ELF1: variants seen among roughly 807,000 people sequenced by gnomAD.
ELF1 encodes the protein E74 like ETS transcription factor 1.
ELF1 carries 24 observed loss-of-function variants against 59.9 expected under a neutral mutation model. The observed-to-expected ratio is 0.40, with a 90% CI of 0.29 to 0.56. ELF1 has a LOEUF of 0.56. Among genes scored for constraint, ELF1 ranks in the 20% least tolerant of loss-of-function variants. The probability of loss-of-function intolerance (pLI) is 0.44; values close to 1 mark genes in which losing one functional copy is unlikely to be tolerated. For synonymous variants in ELF1, 248 were observed against 266.2 expected (o/e 0.93, Z 0.67); for missense variants, 627 against 742.2 (o/e 0.84, Z 1.80).
In ELF1 at chr13:40,948,889, A is replaced by G. The variant is rs531765478; in HGVS notation, c.529+917T>C. On this transcript the variant is annotated intron_variant, in intron 5 of 8. Coordinates refer to ENST00000239882, the MANE Select transcript of ELF1 (RefSeq NM_172373.4). ...AGCTGACTAGACCTTACCCAAGGAC[A>G]AAAGGGTTTAGATAAAAATTTGAGG... 1.1e-4 allele frequency among the ~76,000 whole-genome samples: 17 copies of G among 152,358 alleles called. No individual in the cohort carries two copies. The South Asian group carries it at 3.5e-3, about 32-fold the overall frequency.
intron 8 of ELF1, among the ~76,000 whole-genome samples, chr13:40,936,063 C>A (rs563536232): frequency 1.5e-4 from 23 of 152,244 alleles, no homozygotes; most frequent in African/African-American, 5.5e-4. Context: ...ATATGCATAA[C>A]CTTATAATAT....
intron 3 of ELF1, among the ~76,000 whole-genome samples, chr13:40,956,134 G>T (rs1419242863): frequency 1.3e-5 from 2 of 150,330 alleles, no homozygotes; most frequent in African/African-American, 4.9e-5. Context: ...ATAGAAAGGG[G>T]GGAAAGGTGG....
At chr13:40,965,483 T>G (rs1189594646) in intron 2 of ELF1, among the ~76,000 whole-genome samples, 2 of 151,976 alleles carry the variant, frequency 1.3e-5, no homozygotes, top group African/African-American at 2.4e-5. Flanking sequence ...ATTAGCTGGG[T>G]GTGGTGGTGT....
chr13:41,028,547 C>T (rs1876036592), intron 1 of ELF1, among the ~76,000 whole-genome samples: 1 of 152,192 alleles, frequency 6.6e-6, no homozygotes. Context: ...GCTATAACCA[C>T]CTGACCAGTT....
intron 1 of ELF1, among the ~76,000 whole-genome samples, chr13:40,994,937 T>C (rs939231446): frequency 1.3e-5 from 2 of 152,192 alleles, no homozygotes; most frequent in African/African-American, 2.4e-5. Context: ...AACTGTTTCA[T>C]GCTGGCACTG....
intron 2 of ELF1, among the ~76,000 whole-genome samples, chr13:40,973,447 C>A (rs1047650994): frequency 6.6e-6 from 1 of 151,928 alleles, no homozygotes. Context: ...TGAAAATGAC[C>A]CTCTTTTTTA....
intron 3 of ELF1, among the ~76,000 whole-genome samples, chr13:40,952,017 TAA>T (rs1027290451): frequency 2.0e-5 from 3 of 152,224 alleles, no homozygotes; most frequent in Non-Finnish European, 2.9e-5. Context: ...TAAATCAAAT[TAA>T]GTCTGCATAT....
chr13:40,972,221 G>A (rs894764146), intron 2 of ELF1, among the ~76,000 whole-genome samples: 1 of 152,150 alleles, frequency 6.6e-6, no homozygotes, highest in African/African-American at 2.4e-5. Context: ...CTACAATAGA[G>A]TCTCTCCCAG....
At chr13:41,042,826 T>C (rs1473055181) in intron 1 of ELF1, among the ~76,000 whole-genome samples, 1 of 152,194 alleles carries the variant, frequency 6.6e-6, no homozygotes, top group Non-Finnish European at 1.5e-5. Context: ...ATATACCCTG[T>C]AATGGGATGG....
At chr13:41,043,594 T>G (rs578128369) in intron 1 of ELF1, among the ~76,000 whole-genome samples, 4 of 152,242 alleles carry the variant, frequency 2.6e-5, no homozygotes, top group East Asian at 3.9e-4. Context: ...TGTCAGGTTT[T>G]TCAAAGATCA....
chr13:41,017,160 T>C (rs1387713762), intron 1 of ELF1, among the ~76,000 whole-genome samples: 2 of 151,596 alleles, frequency 1.3e-5, no homozygotes, highest in East Asian at 3.9e-4. Context: ...ATCTTTCTGA[T>C]GAAAAAGAAA....
chr13:40,977,158 G>A (rs139817329), intron 2 of ELF1, among the ~76,000 whole-genome samples: 73 of 151,808 alleles, frequency 4.8e-4, no homozygotes, highest in African/African-American at 1.6e-3. Flanking sequence ...ATTAACTCCT[G>A]GAACATTTAA....
chr13:40,967,332 C>G (rs1282894371), intron 2 of ELF1, among the ~76,000 whole-genome samples: 1 of 152,206 alleles, frequency 6.6e-6, no homozygotes, highest in Non-Finnish European at 1.5e-5. Context: ...TAGGACTCCA[C>G]CATGGCCTGG....
At chr13:41,033,329 C>A (rs1247014423) in intron 1 of ELF1, among the ~76,000 whole-genome samples, 1 of 152,128 alleles carries the variant, frequency 6.6e-6, no homozygotes, top group Non-Finnish European at 1.5e-5. Context: ...AGTTATAATC[C>A]TTATTTCACA....
At chr13:40,940,828 A>T in intron 8 of ELF1, 93 bp downstream of exon 8, 1 of 1,368,098 alleles carries the variant, frequency 7.3e-7, no homozygotes. Context: ...TTATACTTTT[A>T]TTTTCATTTC....
chr13:40,950,170 T>G (rs1463168687), intron 4 of ELF1, among the ~76,000 whole-genome samples, 197 bp from the exon 5 acceptor site: 1 of 152,220 alleles, frequency 6.6e-6, no homozygotes, highest in Non-Finnish European at 1.5e-5. Flanking sequence ...TATTTCAATG[T>G]CTTTCTTACT....
chr13:41,035,066 T>C (rs1361975265), intron 1 of ELF1, among the ~76,000 whole-genome samples: 2 of 152,276 alleles, frequency 1.3e-5, no homozygotes, highest in African/African-American at 2.4e-5. Flanking sequence ...ACTTCCTCCT[T>C]TGTGCTCTCA....
At chr13:41,023,961 T>A (rs982316230), upstream of ELF1, among the ~76,000 whole-genome samples, 1 of 152,310 alleles carries the variant, frequency 6.6e-6, no homozygotes, top group East Asian at 1.9e-4. Context: ...TGACTTGATA[T>A]AGACAAATTC....
chr13:41,042,584 T>C (rs548694045), intron 1 of ELF1, among the ~76,000 whole-genome samples: 3 of 152,302 alleles, frequency 2.0e-5, no homozygotes, highest in African/African-American at 7.2e-5. Flanking sequence ...TTGCGATAGT[T>C]TGCTGAGAAT....
Sources: allele counts gnomAD v4.1 joint callset (sites outside exome capture counted in the v4.1 genomes callset), GRCh38; gene constraint gnomAD v4.1.1; transcripts MANE v1.5; gene names NCBI Gene and HGNC (gene_info 2026-07-23, HGNC 2026-07-21).